The following AIG1 variants were observed in gnomAD, a reference collection of about 807,000 sequenced individuals.
AIG1 encodes androgen induced 1, also known as androgen-induced gene 1 protein.
In AIG1, 23 loss-of-function variants were observed where a neutral mutation model predicts 31.4. The observed-to-expected ratio is 0.73, with a 90% CI of 0.53 to 1.04. The LOEUF (loss-of-function observed/expected upper bound fraction) is 1.04, where lower values mean the gene tolerates loss of function less well. Ranked by LOEUF, AIG1 falls within the 50% of genes least tolerant of loss-of-function variation. The pLI is 0.00. For synonymous variants in AIG1, 100 were observed against 110.5 expected (o/e 0.90, Z 0.60); for missense variants, 274 against 295.0 (o/e 0.93, Z 0.52).
At chr6:143,248,715 G>A (rs1345750095) in intron 3 of AIG1, among the ~76,000 whole-genome samples, 2 of 152,282 alleles carry the variant, frequency 1.3e-5, no homozygotes, top group East Asian at 1.9e-4. Flanking sequence ...CAAAAAATAG[G>A]TGTGCTTCAT....
rs574171064 is a variant in AIG1, at chr6:143,109,795, T to A, written c.142-27040T>A. 2.0e-5 allele frequency among the ~76,000 whole-genome samples: 3 copies of A among 152,354 alleles called. No homozygotes were observed. In the East Asian group the frequency reaches 5.8e-4, roughly 29 times the overall value. On this transcript the variant is annotated intron_variant, in intron 1 of 5. Transcript: ENST00000357847. ...AAAAATTTGTTCATTTTCAGTTATATACATGACAAATATATTTTCTTTCTT... is the reference window on the plus strand; with the variant it reads ...AAAAATTTGTTCATTTTCAGTTATAAACATGACAAATATATTTTCTTTCTT...
chr6:143,340,475 T>C lies in AIG1; in HGVS notation c.*799T>C, dbSNP rs957682867. Among the ~76,000 whole-genome samples, 3 of 152,212 alleles carry C rather than the reference T, an allele frequency of 2.0e-5. No individual in the cohort carries two copies. Among genetic ancestry groups the C allele is most frequent in the Non-Finnish European group, 4.4e-5 (3 of 68,038 alleles). On this transcript the variant is annotated 3_prime_UTR_variant, in exon 6 of 6. Coordinates refer to ENST00000357847, the MANE Select transcript of AIG1 (RefSeq NM_016108.4). ...CCAAAACAAATTTTTTTTTTCTTTTTTTCCAGATGGAGTCTCACTCTGTCG... is the reference window on the plus strand; with the variant it reads ...CCAAAACAAATTTTTTTTTTCTTTTCTTCCAGATGGAGTCTCACTCTGTCG...
At chr6:143,308,316 G>A (rs77325466) in intron 4 of AIG1, among the ~76,000 whole-genome samples, 9,396 of 152,306 alleles carry the variant, frequency 0.062, 351 homozygotes, top group African/African-American at 0.093. Context: ...GCTGGGAGCT[G>A]TAGACCGGAG....
At chr6:143,129,200 C>T (rs868108717) in intron 1 of AIG1, among the ~76,000 whole-genome samples, 9 of 151,756 alleles carry the variant, frequency 5.9e-5, no homozygotes, top group African/African-American at 4.8e-5. Context: ...CCGAGGCAGG[C>T]GAATGGCATG....
chr6:143,188,220 A>G (rs1257256587), intron 3 of AIG1: 19 of 990,448 alleles, frequency 1.9e-5, no homozygotes, highest in Non-Finnish European at 2.2e-5. Flanking sequence ...TTTAGACTCT[A>G]GGAGAGGGGC....
At chr6:143,059,367 C>T (rs1776079401), upstream of AIG1, among the ~76,000 whole-genome samples, 1 of 152,134 alleles carries the variant, frequency 6.6e-6, no homozygotes, top group Non-Finnish European at 1.5e-5. Context: ...GTCACTGAGA[C>T]CACTAATCTA....
At chr6:143,099,378 A>G (rs1312923151) in intron 1 of AIG1, 2 of 152,252 alleles carry the variant, frequency 1.3e-5, no homozygotes, top group African/African-American at 4.8e-5. Flanking sequence ...TATTCTAAGC[A>G]AGACAGGGAT....
At chr6:143,120,675 G>A (rs1782163994) in intron 1 of AIG1, among the ~76,000 whole-genome samples, 1 of 152,184 alleles carries the variant, frequency 6.6e-6, no homozygotes, top group South Asian at 2.1e-4. Flanking sequence ...TTCAAGATGA[G>A]GTTTGGGTGG....
intron 3 of AIG1, among the ~76,000 whole-genome samples, chr6:143,241,366 T>A (rs1034584345): frequency 2.6e-5 from 4 of 152,224 alleles, no homozygotes; most frequent in Non-Finnish European, 5.9e-5. Flanking sequence ...TTGGCCTGTA[T>A]CCCTGACTCA....
intron 3 of AIG1, among the ~76,000 whole-genome samples, chr6:143,170,095 G>T (rs970912917): frequency 1.3e-5 from 2 of 151,994 alleles, no homozygotes; most frequent in African/African-American, 4.8e-5. Context: ...GGTAATGCTG[G>T]CATCATAGAA....
chr6:143,107,552 C>G (rs1027012653), intron 1 of AIG1, among the ~76,000 whole-genome samples: 1 of 146,812 alleles, frequency 6.8e-6, no homozygotes, highest in Admixed American at 6.8e-5. Context: ...TAACTGCAAG[C>G]AAAAAAAAAA....
rs999336922 is a variant in AIG1 at position 143,284,801 on chromosome 6, G to A, written c.515+576G>A. Among the ~76,000 whole-genome samples the A allele has an allele frequency of 8.5e-5, 13 of 152,198 alleles. No individual in the cohort carries two copies. The highest frequency in any genetic ancestry group is 2.6e-4 in the Admixed American group (4 of 15,290). Reference sequence around the variant, plus strand: ...TATTGTGCACAATTCAGATCCAAGTGTGAGGTGCCAAATTTATCTGATAAA... The same window carrying A: ...TATTGTGCACAATTCAGATCCAAGTATGAGGTGCCAAATTTATCTGATAAA... On this transcript the variant is annotated intron_variant, in intron 4 of 5. Coordinates refer to ENST00000357847, the MANE Select transcript of AIG1 (RefSeq NM_016108.4). This position sits in a 1 kb window ranked among gnomAD's most constrained non-coding sequence, Gnocchi z 4.4.
chr6:143,187,439 G>A, intron 3 of AIG1: 8 of 1,535,352 alleles, frequency 5.2e-6, no homozygotes, highest in Non-Finnish European at 6.1e-6. Context: ...ACTACAGTAT[G>A]ATCAGCTTGG....
At chr6:143,320,205 A>G (rs1776097121) in intron 4 of AIG1, among the ~76,000 whole-genome samples, 1 of 152,048 alleles carries the variant, frequency 6.6e-6, no homozygotes, top group Admixed American at 6.6e-5. Flanking sequence ...TATTATAAAG[A>G]AAAAAAAGGA....
intron 1 of AIG1, among the ~76,000 whole-genome samples, chr6:143,103,737 G>C (rs1421192567): frequency 2.6e-5 from 4 of 151,812 alleles, no homozygotes; most frequent in African/African-American, 9.7e-5. Context: ...TCGATCTCCT[G>C]ACCTCGTGAT....
rs1036839709 is a variant in AIG1 at position 143,291,490 on chromosome 6, G to T, written c.515+7265G>T. ...ACACTTATGCACCCGACGCAGAGGT[G>T]AGCACCTGGACTTCAGCCTCACAGC... On this transcript the variant is annotated intron_variant, in intron 4 of 5. Transcript: ENST00000357847. This position sits in a 1 kb window ranked among gnomAD's most constrained non-coding sequence, Gnocchi z 4.2. Among the ~76,000 whole-genome samples, 2 of 152,220 alleles carry T rather than the reference G, an allele frequency of 1.3e-5. No individual in the cohort carries two copies. Among genetic ancestry groups the T allele is most frequent in the African/African-American group, 2.4e-5 (1 of 41,442 alleles).
intron 1 of AIG1, among the ~76,000 whole-genome samples, chr6:143,132,473 G>T (rs1269565809): frequency 6.6e-6 from 1 of 151,698 alleles, no homozygotes; most frequent in Non-Finnish European, 1.5e-5. Flanking sequence ...ATGGTGATAT[G>T]TTTTTTTTCC....
At position 143,256,181 on chromosome 6, in the gene AIG1, C is replaced by T. The variant is rs1480008367; in HGVS notation, c.400-27929C>T. Reference sequence around the variant, plus strand: ...ATAAATTAGAATAAACAGAAGTAAACTTCCCAACATAGGCAGTGTTGTTTA... The same window carrying T: ...ATAAATTAGAATAAACAGAAGTAAATTTCCCAACATAGGCAGTGTTGTTTA... On this transcript the variant is annotated intron_variant, in intron 3 of 5. Transcript: ENST00000357847. The surrounding 1 kb of genome is among the most constrained non-coding windows in gnomAD (Gnocchi z 4.6). 1.3e-5 allele frequency among the ~76,000 whole-genome samples: 2 copies of T among 152,162 alleles called. No individual in the cohort carries two copies. The highest frequency in any genetic ancestry group is 2.9e-5 in the Non-Finnish European group (2 of 68,028).
chr6:143,076,626 T>C (rs760720441), intron 1 of AIG1, among the ~76,000 whole-genome samples: 1 of 152,124 alleles, frequency 6.6e-6, no homozygotes, highest in Non-Finnish European at 1.5e-5. Flanking sequence ...TATTATCCTT[T>C]TTTTGTTCCC....
Sources: allele counts gnomAD v4.1 joint callset (sites outside exome capture counted in the v4.1 genomes callset), GRCh38; gene constraint gnomAD v4.1.1; non-coding constraint Gnocchi (gnomAD v3.1); transcripts MANE v1.5; gene names NCBI Gene and HGNC (gene_info 2026-07-23, HGNC 2026-07-21).